The following CYRIB variants were observed in gnomAD, a reference collection of about 807,000 sequenced individuals.
CYRIB encodes the protein CYFIP-related Rac1 interactor B.
Under a neutral mutation model 44.2 loss-of-function variants are expected in CYRIB, and 8 were observed. The observed-to-expected ratio is 0.18, with a 90% CI of 0.11 to 0.33. CYRIB has a LOEUF of 0.33. CYRIB is among the 10% of genes least tolerant of loss of function. The pLI is 1.00. For synonymous variants in CYRIB, 131 were observed against 127.2 expected (o/e 1.03, Z -0.20); for missense variants, 185 against 382.8 (o/e 0.48, Z 4.31).
chr8:129,880,535 G>C (rs1453778855), intron 2 of CYRIB: 3 of 634,088 alleles, frequency 4.7e-6, no homozygotes, highest in African/African-American at 4.0e-5. Flanking sequence ...GCAAAGGCTG[G>C]CTTGCTCATA....
chr8:129,939,698 CCGGGTCCGGAGCGGGGGAGCGG>C, exon 1 of CYRIB: 1 of 152,394 alleles, frequency 6.6e-6, no homozygotes, highest in African/African-American at 2.4e-5. Context: ...AGGGGGAGCC[CCGGGTCCGGAGCGGGGGAGCGG>C]CGGCAGCCGG....
intron 2 of CYRIB, among the ~76,000 whole-genome samples, chr8:129,891,175 C>T (rs899360575): frequency 6.6e-6 from 1 of 152,192 alleles, no homozygotes; most frequent in South Asian, 2.1e-4. Context: ...CTCCCAAATC[C>T]ATCTCTTCTC....
intron 2 of CYRIB, among the ~76,000 whole-genome samples, chr8:129,879,988 A>G (rs1041575732): frequency 6.6e-6 from 1 of 152,176 alleles, no homozygotes; most frequent in Non-Finnish European, 1.5e-5. Flanking sequence ...TTGGATTGTC[A>G]ATAATTTGTG....
chr8:129,862,089 C>T, intron 5 of CYRIB, 140 bp downstream of exon 7: 1 of 605,882 alleles, frequency 1.7e-6, no homozygotes, highest in East Asian at 2.8e-5. Context: ...TATAATCTTA[C>T]AGTCTAACAA....
intron 1 of CYRIB, among the ~76,000 whole-genome samples, chr8:129,987,072 C>G (rs1437342279): frequency 6.6e-6 from 1 of 152,202 alleles, no homozygotes; most frequent in Non-Finnish European, 1.5e-5. Flanking sequence ...TACCTTCCCC[C>G]TACCCTACAG....
At chr8:129,985,842 G>A (rs891437645) in intron 1 of CYRIB, among the ~76,000 whole-genome samples, 1 of 152,190 alleles carries the variant, frequency 6.6e-6, no homozygotes, top group Admixed American at 6.5e-5. Context: ...CCCTGAGGGT[G>A]AGCAGGTGTT....
intron 1 of CYRIB, among the ~76,000 whole-genome samples, chr8:129,981,568 A>C (rs958978797): frequency 2.6e-5 from 4 of 152,218 alleles, no homozygotes; most frequent in Admixed American, 6.5e-5. Flanking sequence ...CCCCAGTGTA[A>C]GGATGTATCA....
At chr8:130,004,860 C>T (rs1449159940) in intron 1 of CYRIB, among the ~76,000 whole-genome samples, 5 of 151,078 alleles carry the variant, frequency 3.3e-5, no homozygotes, top group South Asian at 2.1e-4. Context: ...TCTGCCTCCC[C>T]GGTTCAAGTG....
chr8:129,846,655 T>C, intron 11 of CYRIB, 149 bp downstream of exon 13: 1 of 589,488 alleles, frequency 1.7e-6, no homozygotes, highest in Non-Finnish European at 2.9e-6. Flanking sequence ...GGAAGCAAGA[T>C]TATCAATAAA....
intron 2 of CYRIB, among the ~76,000 whole-genome samples, chr8:129,962,074 C>T (rs1473822549): frequency 6.6e-6 from 1 of 151,012 alleles, no homozygotes; most frequent in Non-Finnish European, 1.5e-5. Context: ...ACATGGGAGA[C>T]CCCTTCTCTA....
exon 12 of CYRIB, chr8:129,841,990 TAAG>T: frequency 3.2e-6 from 2 of 625,424 alleles, no homozygotes; most frequent in Non-Finnish European, 5.5e-6. Context: ...AAAGAAGTCT[TAAG>T]AACATGATTA....
chr8:129,879,269 A>C (rs2060105656), intron 3 of CYRIB, 120 bp downstream of exon 5: 1 of 681,052 alleles, frequency 1.5e-6, no homozygotes, highest in Non-Finnish European at 2.5e-6. Context: ...TACTCAAACA[A>C]TTCATAGCTC....
chr8:129,993,352 C>A (rs1020770385), intron 1 of CYRIB, among the ~76,000 whole-genome samples: 3 of 151,168 alleles, frequency 2.0e-5, no homozygotes, highest in Non-Finnish European at 2.9e-5. Context: ...GAGATCACAC[C>A]ACTACACTCC....
Position 129,987,891 on chromosome 8 carries a change from A to G in CYRIB, c.-295-16896T>C, listed in dbSNP as rs577078939. Reference sequence around the variant, plus strand: ...CCGGCCCCACCGTTTCTAGTACACAAATCCTCCGCTGGCTCCCACGGCCTA... The same window carrying G: ...CCGGCCCCACCGTTTCTAGTACACAGATCCTCCGCTGGCTCCCACGGCCTA... On this transcript the variant is annotated intron_variant, in intron 1 of 14. Transcript: ENST00000401979. 2.9e-4 allele frequency among the ~76,000 whole-genome samples: 44 copies of G among 152,086 alleles called. No homozygotes were observed. The South Asian group carries it at 2.9e-3, about 10-fold the overall frequency.
chr8:129,880,124 A>G (rs1005461240), intron 2 of CYRIB, among the ~76,000 whole-genome samples: 3 of 152,250 alleles, frequency 2.0e-5, no homozygotes, highest in African/African-American at 7.2e-5. Context: ...AATGTTCATC[A>G]TAAGGCTACT....
chr8:130,012,135 T>C (rs1241743621), intron 1 of CYRIB, among the ~76,000 whole-genome samples: 2 of 152,012 alleles, frequency 1.3e-5, no homozygotes, highest in African/African-American at 2.4e-5. Flanking sequence ...TCAACTTCGA[T>C]TATTTATATA....
Position 129,988,351 on chromosome 8 carries a change from G to A in CYRIB, c.-295-17356C>T, listed in dbSNP as rs2096538197. Among the ~76,000 whole-genome samples, 3 of 152,294 alleles carry A rather than the reference G, an allele frequency of 2.0e-5. No homozygotes were observed. In the South Asian group the frequency reaches 6.2e-4, roughly 32 times the overall value. Reference sequence around the variant, plus strand: ...CTGGGCCTGAGAAGGGAGGAGTGATGCATCTCCTTAAGCTTTCAGGCCCCG... The same window carrying A: ...CTGGGCCTGAGAAGGGAGGAGTGATACATCTCCTTAAGCTTTCAGGCCCCG... On this transcript the variant is annotated intron_variant, in intron 1 of 14. Coordinates refer to the CYRIB transcript ENST00000401979.
At chr8:129,849,445 A>G in intron 9 of CYRIB, 76 bp from the exon 12 acceptor site, 1 of 1,385,442 alleles carries the variant, frequency 7.2e-7, no homozygotes, top group Middle Eastern at 1.9e-4. Context: ...CACAAGAAAA[A>G]CCTCTTCTGA....
At chr8:129,895,809 C>A (rs2067755723) in intron 2 of CYRIB, among the ~76,000 whole-genome samples, 1 of 152,168 alleles carries the variant, frequency 6.6e-6, no homozygotes, top group Non-Finnish European at 1.5e-5. Flanking sequence ...CTCAAGGAAA[C>A]CTCCTACCTC....
Sources: allele counts gnomAD v4.1 joint callset (sites outside exome capture counted in the v4.1 genomes callset), GRCh38; gene constraint gnomAD v4.1.1; transcripts MANE v1.5; gene names NCBI Gene and HGNC (gene_info 2026-07-23, HGNC 2026-07-21).